DNM3: variants seen among roughly 807,000 people sequenced by gnomAD.
DNM3 encodes dynamin-3.
Under a neutral mutation model 101.6 loss-of-function variants are expected in DNM3, and 47 were observed. The observed-to-expected ratio is 0.46, with a 90% CI of 0.37 to 0.59. The LOEUF (loss-of-function observed/expected upper bound fraction) is 0.59, where lower values mean the gene tolerates loss of function less well. DNM3 is among the 20% of genes least tolerant of loss of function. The pLI, the probability that DNM3 is intolerant of heterozygous loss-of-function variation, is 0.00. For synonymous variants in DNM3, 385 were observed against 387.9 expected (o/e 0.99, Z 0.09); for missense variants, 849 against 1,085.7 (o/e 0.78, Z 3.06).
chr1:172,416,699 G>A (rs575217786), downstream of DNM3, among the ~76,000 whole-genome samples: 11 of 152,230 alleles, frequency 7.2e-5, no homozygotes, highest in Non-Finnish European at 1.0e-4. Flanking sequence ...GTGTTCTAAA[G>A]CCCCTTCAGA....
intron 2 of DNM3, among the ~76,000 whole-genome samples, chr1:171,942,804 C>A (rs1477801217): frequency 6.6e-6 from 1 of 152,036 alleles, no homozygotes; most frequent in African/African-American, 2.4e-5. Context: ...GAAGAGTATT[C>A]CAGGCAGAAG....
rs1275919182 is a variant in DNM3, at chr1:172,317,596, G to T, written c.1882-5733G>T. ...CACAGAAATACAAACTACCATCAGA[G>T]AATACTACCAACACCTCTATGCAAA... On this transcript the variant is annotated intron_variant, in intron 16 of 20. Transcript: ENST00000627582. Among the ~76,000 whole-genome samples, 4 of 152,192 alleles carry T rather than the reference G, an allele frequency of 2.6e-5. No homozygotes were observed. The South Asian group carries it at 6.2e-4, about 24-fold the overall frequency.
In DNM3 at chr1:172,171,487, A is replaced by T. The variant is rs115383016; in HGVS notation, c.1659+40199A>T. Among the ~76,000 whole-genome samples the T allele has an allele frequency of 3.7e-3, 563 of 151,874 alleles. 9 individuals carry two copies. Among genetic ancestry groups the T allele is most frequent in the African/African-American group, 0.013 (537 of 41,506 alleles). The stretch of plus-strand genomic sequence containing the variant: ...GTAAAAAGTTACATTTCGGAGAGGT[A>T]TGACTGCACCTACCTATTTACTACA... On this transcript the variant is annotated intron_variant, in intron 14 of 20. Coordinates refer to ENST00000627582, the MANE Select transcript of DNM3 (RefSeq NM_015569.5).
chr1:171,970,486 C>T lies in DNM3; in HGVS notation c.236-17170C>T, dbSNP rs998341572. Reference sequence around the variant, plus strand: ...TTTACATACTAACTTAGGTAACAAGCGTGTGTTAAGAATAAGTATATAAAA... The same window carrying T: ...TTTACATACTAACTTAGGTAACAAGTGTGTGTTAAGAATAAGTATATAAAA... On this transcript the variant is annotated intron_variant, in intron 2 of 20. Coordinates refer to ENST00000627582, the MANE Select transcript of DNM3 (RefSeq NM_015569.5). Among the ~76,000 whole-genome samples the T allele has an allele frequency of 1.5e-4, 23 of 151,852 alleles. No homozygotes were observed. The East Asian group carries it at 3.9e-3, about 26-fold the overall frequency.
chr1:172,412,425 T>C lies in DNM3; in HGVS notation c.*4584T>C, dbSNP rs761440739. 1.0e-6 allele frequency: 1 copy of C among 985,822 alleles called. No homozygotes were observed. The highest frequency in any genetic ancestry group is 1.2e-6 in the Non-Finnish European group (1 of 829,902). 61.1% of individuals were successfully genotyped at this position (985,822 alleles called of 1,614,324 possible). On this transcript the variant is annotated 3_prime_UTR_variant, in exon 21 of 21. Transcript: ENST00000627582. ...ACAGCCTTTGTTTTGCTTGCTTGTC[T>C]ATTTTTACTTTCCCTTTTTTGGGTC... is the stretch of plus-strand genomic sequence containing the variant.
intron 18 of DNM3, among the ~76,000 whole-genome samples, chr1:172,379,560 T>C (rs978447923): frequency 6.6e-6 from 1 of 152,078 alleles, no homozygotes. Flanking sequence ...TTTGTTCCTA[T>C]GCCCATGCGT....
chr1:172,385,974 C>T lies in DNM3; in HGVS notation c.2059-1159C>T, dbSNP rs1210415478. The stretch of plus-strand genomic sequence containing the variant: ...GATAATGGGGTAAGGGAATGGGCAC[C>T]GGACTTCAAGTCAGAAGGTTATGGA... On this transcript the variant is annotated intron_variant, in intron 18 of 20. Coordinates refer to ENST00000627582, the MANE Select transcript of DNM3 (RefSeq NM_015569.5). 2.0e-5 allele frequency among the ~76,000 whole-genome samples: 3 copies of T among 152,066 alleles called. No homozygotes were observed. In the South Asian group the frequency reaches 6.2e-4, roughly 32 times the overall value.
At chr1:172,301,282 G>C (rs2064435835) in intron 15 of DNM3, among the ~76,000 whole-genome samples, 1 of 152,176 alleles carries the variant, frequency 6.6e-6, no homozygotes, top group Non-Finnish European at 1.5e-5. Flanking sequence ...CAGGAGGATA[G>C]CTTGAGCCCA....
chr1:172,022,199 T>C (rs1308042471), intron 4 of DNM3, among the ~76,000 whole-genome samples: 1 of 152,180 alleles, frequency 6.6e-6, no homozygotes, highest in Non-Finnish European at 1.5e-5. Flanking sequence ...ATCTGTATGC[T>C]TGAGAAGATA....
At chr1:172,009,104 A>ATATT (rs1302033407) in intron 4 of DNM3, among the ~76,000 whole-genome samples, 14 of 138,472 alleles carry the variant, frequency 1.0e-4, no homozygotes, top group Non-Finnish European at 1.5e-5. Flanking sequence ...ATATGTATTT[A>ATATT]TATATTATAT....
chr1:172,060,730 A>C (rs2051109352), intron 10 of DNM3, among the ~76,000 whole-genome samples: 1 of 75,158 alleles, frequency 1.3e-5, no homozygotes, highest in Admixed American at 1.8e-4. Flanking sequence ...GTTAGACCTA[A>C]AACCATAAAA....
At chr1:172,270,509 A>G (rs2063042997) in intron 15 of DNM3, among the ~76,000 whole-genome samples, 1 of 152,156 alleles carries the variant, frequency 6.6e-6, no homozygotes, top group Admixed American at 6.6e-5. Flanking sequence ...TACCTGCTGA[A>G]AAAAAATACT....
At chr1:172,127,385 CTTATTA>C (rs60339425) in intron 13 of DNM3, among the ~76,000 whole-genome samples, 2,609 of 137,646 alleles carry the variant, frequency 0.019, 51 homozygotes, top group African/African-American at 0.041. Flanking sequence ...TTACTCTCTA[CTTATTA>C]TTATTATTAT....
At chr1:172,161,561 T>A (rs2058545559) in intron 14 of DNM3, among the ~76,000 whole-genome samples, 1 of 151,914 alleles carries the variant, frequency 6.6e-6, no homozygotes, top group African/African-American at 2.4e-5. Flanking sequence ...ATACCTACAT[T>A]TTAAGAGAGA....
intron 4 of DNM3, among the ~76,000 whole-genome samples, chr1:171,994,267 G>T (rs2045841804): frequency 6.6e-6 from 1 of 152,028 alleles, no homozygotes; most frequent in African/African-American, 2.4e-5. Flanking sequence ...GCTGTTTATT[G>T]TTGCTGCAGG....
At position 172,410,633 on chromosome 1, in the gene DNM3, A is replaced by C. The variant is rs2071150483; in HGVS notation, c.*2792A>C. 2.0e-6 allele frequency: 2 copies of C among 985,318 alleles called. No homozygotes were observed. Among genetic ancestry groups the C allele is most frequent in the Non-Finnish European group, 2.4e-6 (2 of 829,822 alleles). The allele number at this position is 985,318 out of a possible 1,614,324, so 61.0% of individuals were successfully genotyped here. ...ATTGCATTTCTAAAAAACATCTACC[A>C]AGGTTACTCGTCTGAATATTGCTTT... is the stretch of plus-strand genomic sequence containing the variant. On this transcript the variant is annotated 3_prime_UTR_variant, in exon 21 of 21. Coordinates refer to ENST00000627582, the MANE Select transcript of DNM3 (RefSeq NM_015569.5).
chr1:172,036,490 G>A (rs954117133), intron 6 of DNM3, among the ~76,000 whole-genome samples: 63 of 151,926 alleles, frequency 4.1e-4, no homozygotes, highest in Middle Eastern at 3.4e-3. Flanking sequence ...AAATAACGCC[G>A]CATATCTACA....
At chr1:172,265,083 C>T (rs568598219) in intron 15 of DNM3, among the ~76,000 whole-genome samples, 2 of 152,246 alleles carry the variant, frequency 1.3e-5, no homozygotes, top group African/African-American at 2.4e-5. Context: ...GACCATTGCT[C>T]CTGCTACAGT....
intron 4 of DNM3, among the ~76,000 whole-genome samples, chr1:172,013,258 A>G (rs1179794633): frequency 1.3e-5 from 2 of 152,084 alleles, no homozygotes; most frequent in Non-Finnish European, 2.9e-5. Flanking sequence ...TTAGTTACAT[A>G]AAAATGGGAG....
Sources: allele counts gnomAD v4.1 joint callset (sites outside exome capture counted in the v4.1 genomes callset), GRCh38; gene constraint gnomAD v4.1.1; transcripts MANE v1.5; gene names NCBI Gene and HGNC (gene_info 2026-07-23, HGNC 2026-07-21).